Variants in RIMS1 observed in about 807,000 individuals in gnomAD.
RIMS1 encodes the protein regulating synaptic membrane exocytosis 1.
In RIMS1, 83 loss-of-function variants were observed where a neutral mutation model predicts 214.1. The observed-to-expected ratio is 0.39, with a 90% CI of 0.32 to 0.47. The LOEUF is 0.47. Among genes scored for constraint, RIMS1 ranks in the 20% least tolerant of loss-of-function variants. The pLI is 0.99. For missense variants in RIMS1, 2,050 were observed against 2,161.8 expected, an observed-to-expected ratio of 0.95 and a Z score of 1.03; for synonymous variants, 793 against 786.8, an observed-to-expected ratio of 1.01 and a Z score of -0.13.
intron 2 of RIMS1, among the ~76,000 whole-genome samples, chr6:72,044,131 CTAAAG>C (rs1176107796): frequency 6.6e-6 from 1 of 151,270 alleles, no homozygotes; most frequent in Non-Finnish European, 1.5e-5. Context: ...TTCAAATATG[CTAAAG>C]TAATTAAATA....
chr6:72,390,730 A>AGGGCAAGTAAGTGCTGT lies in RIMS1; in HGVS notation c.4500_4505+11dup. ...GGCAGCATCAACAGTTACAGCTCTG[A>AGGGCAAGTAAGTGCTGT]GGGCAAGTAAGTGCTGTCAGCACGT... On this transcript the variant is annotated stop_gained and frameshift_variant, in exon 30 of 34. Transcript: ENST00000521978. LOFTEE classifies it high-confidence loss of function. The AGGGCAAGTAAGTGCTGT allele has an allele frequency of 6.2e-7, 1 of 1,613,778 alleles. No homozygotes were observed. Among genetic ancestry groups the AGGGCAAGTAAGTGCTGT allele is most frequent in the East Asian group, 2.2e-5 (1 of 44,876 alleles).
chr6:72,209,652 A>T (rs10455254), intron 6 of RIMS1, among the ~76,000 whole-genome samples: 16,920 of 152,220 alleles, frequency 0.11, 1,144 homozygotes, highest in Admixed American at 0.16. Context: ...CTGTAATCCC[A>T]GCACTTTGGA....
chr6:72,151,510 A>G (rs997582828), intron 4 of RIMS1, among the ~76,000 whole-genome samples: 2 of 152,220 alleles, frequency 1.3e-5, no homozygotes, highest in Non-Finnish European at 2.9e-5. Context: ...CAATAATCTG[A>G]TAGGGAAGAA....
At chr6:72,331,512 C>G (rs1593873036) in intron 28 of RIMS1, among the ~76,000 whole-genome samples, 1 of 151,760 alleles carries the variant, frequency 6.6e-6, no homozygotes, top group South Asian at 2.1e-4. Flanking sequence ...TCTGTAGATT[C>G]TCCAGCAGAA....
At chr6:71,954,004 T>G (rs1216450803) in intron 1 of RIMS1, among the ~76,000 whole-genome samples, 1 of 152,200 alleles carries the variant, frequency 6.6e-6, no homozygotes, top group African/African-American at 2.4e-5. Flanking sequence ...TTCCACTTAT[T>G]TATCTAATTT....
intron 2 of RIMS1, among the ~76,000 whole-genome samples, chr6:72,010,729 T>C (rs1209537650): frequency 6.6e-6 from 1 of 152,124 alleles, no homozygotes; most frequent in Non-Finnish European, 1.5e-5. Flanking sequence ...CCATTCACAA[T>C]TGCTTCAAAG....
intron 2 of RIMS1, among the ~76,000 whole-genome samples, chr6:72,043,685 T>A (rs761756295): frequency 1.6e-4 from 25 of 151,570 alleles, no homozygotes; most frequent in Non-Finnish European, 3.0e-4. Context: ...TTAACTAGAC[T>A]TTTTTCCCCC....
intron 1 of RIMS1, among the ~76,000 whole-genome samples, chr6:71,905,968 T>C (rs1199668125): frequency 6.6e-6 from 1 of 152,156 alleles, no homozygotes; most frequent in Non-Finnish European, 1.5e-5. Context: ...ACCAATATTT[T>C]GGGGCTATAG....
At chr6:71,997,418 T>C (rs1040132970) in intron 2 of RIMS1, among the ~76,000 whole-genome samples, 1 of 152,174 alleles carries the variant, frequency 6.6e-6, no homozygotes, top group East Asian at 1.9e-4. Flanking sequence ...TAAAATAAAA[T>C]AGCCATTTAA....
At chr6:72,079,676 G>T (rs1832792438) in intron 2 of RIMS1, among the ~76,000 whole-genome samples, 1 of 152,110 alleles carries the variant, frequency 6.6e-6, no homozygotes, top group Non-Finnish European at 1.5e-5. Context: ...TTGAACCCAG[G>T]AGTTGGAGAC....
At chr6:72,259,538 G>A (rs1473125283) in intron 18 of RIMS1, among the ~76,000 whole-genome samples, 1 of 152,038 alleles carries the variant, frequency 6.6e-6, no homozygotes, top group East Asian at 1.9e-4. Flanking sequence ...TAATTGCAGA[G>A]TTTCTATGAG....
At chr6:71,992,137 A>G (rs1758761326) in intron 2 of RIMS1, among the ~76,000 whole-genome samples, 1 of 152,202 alleles carries the variant, frequency 6.6e-6, no homozygotes, top group Non-Finnish European at 1.5e-5. Context: ...AAAGAGGTTG[A>G]AAGGATCATC....
intron 29 of RIMS1, among the ~76,000 whole-genome samples, chr6:72,338,669 A>G (rs2096932810): frequency 2.0e-5 from 3 of 152,028 alleles, no homozygotes; most frequent in Admixed American, 1.3e-4. Context: ...ATGAACAGAC[A>G]CTTCTCAAAA....
chr6:72,345,230 C>T (rs912364770), intron 29 of RIMS1, among the ~76,000 whole-genome samples: 3 of 151,424 alleles, frequency 2.0e-5, no homozygotes, highest in African/African-American at 7.3e-5. Flanking sequence ...ATTTTAAATA[C>T]AGAAAGGCAA....
At chr6:71,890,906 A>T (rs1769635252) in intron 1 of RIMS1, among the ~76,000 whole-genome samples, 1 of 152,174 alleles carries the variant, frequency 6.6e-6, no homozygotes, top group African/African-American at 2.4e-5. Flanking sequence ...TAATATCCTA[A>T]ACTGACTCAC....
At chr6:72,312,593 G>C (rs536974331) in intron 27 of RIMS1, among the ~76,000 whole-genome samples, 23 of 151,992 alleles carry the variant, frequency 1.5e-4, no homozygotes, top group Admixed American at 4.6e-4. Flanking sequence ...AAATTTAAAG[G>C]CATCTTTGAA....
At chr6:72,031,340 G>C (rs962259108) in intron 2 of RIMS1, among the ~76,000 whole-genome samples, 2 of 152,064 alleles carry the variant, frequency 1.3e-5, no homozygotes, top group Non-Finnish European at 2.9e-5. Flanking sequence ...CAATACTTCT[G>C]TCAGAGCCCC....
At chr6:72,249,538 A>C (rs2072041921) in intron 12 of RIMS1, among the ~76,000 whole-genome samples, 1 of 152,136 alleles carries the variant, frequency 6.6e-6, no homozygotes, top group Non-Finnish European at 1.5e-5. Flanking sequence ...TCACACCTTT[A>C]ATCCCAGCAC....
chr6:72,352,983 C>CTTTTTTTTTTT (rs70994123), intron 29 of RIMS1, among the ~76,000 whole-genome samples: 195 of 88,252 alleles, frequency 2.2e-3, no homozygotes, highest in East Asian at 4.0e-3. Flanking sequence ...ATTCTTTTTT[C>CTTTTTTTTTTT]TTTTTTTTTT....
Sources: allele counts gnomAD v4.1 joint callset (sites outside exome capture counted in the v4.1 genomes callset), GRCh38; gene constraint gnomAD v4.1.1; transcripts MANE v1.5; gene names NCBI Gene and HGNC (gene_info 2026-07-23, HGNC 2026-07-21).